ATRX: variants seen among roughly 807,000 people sequenced by gnomAD.
ATRX encodes the protein ATRX chromatin remodeler.
Under a neutral mutation model 172.6 loss-of-function variants are expected in ATRX, and 12 were observed. The ratio of observed to expected loss-of-function variants is 0.07; its 90% CI spans 0.04 to 0.11. The LOEUF is 0.11. Among genes scored for constraint, ATRX ranks in the 10% least tolerant of loss-of-function variants. ATRX has a pLI of 1.00. For synonymous variants in ATRX, 674 were observed against 594.7 expected (o/e 1.13, Z -1.94); for missense variants, 1,368 against 1,767.4 (o/e 0.77, Z 4.05).
rs1395820952 is a variant in ATRX at position 77,766,582 on chromosome X, G to A, written c.20+19400C>T. Reference sequence around the variant, plus strand: ...CAGAGGCGCTCCTCACATCCCAGACGGGGCGGCGGGGCAGAGGCGCTCCCC... The same window carrying A: ...CAGAGGCGCTCCTCACATCCCAGACAGGGCGGCGGGGCAGAGGCGCTCCCC... On this transcript the variant is annotated intron_variant, in intron 1 of 34. Coordinates refer to ENST00000373344, the MANE Select transcript of ATRX (RefSeq NM_000489.6). Among the ~76,000 whole-genome samples the A allele has an allele frequency of 4.6e-5, 5 of 108,003 alleles. No individual in the cohort carries two copies. The East Asian group carries it at 1.2e-3, about 26-fold the overall frequency. 93.8% of individuals were successfully genotyped at this position (108,003 alleles called of 115,157 possible).
intron 34 of ATRX, 49 bp from the exon 35 acceptor site, chrX:77,508,678 A>ACTTGATACCTCTTTT: frequency 8.4e-7 from 1 of 1,188,241 alleles, no homozygotes; most frequent in Non-Finnish European, 1.1e-6. Context: ...CTGTCTCAAA[A>ACTTGATACCTCTTTT]GAGGTATCAA....
At chrX:77,681,423 T>C in intron 9 of ATRX, 97 bp downstream of exon 9, 1 of 876,183 alleles carries the variant, frequency 1.1e-6, no homozygotes, top group Non-Finnish European at 1.7e-6. Flanking sequence ...TCCTAAGTAG[T>C]AACCCTAAAT....
At chrX:77,540,795 T>C (rs1259961804) in intron 30 of ATRX, among the ~76,000 whole-genome samples, 3 of 111,599 alleles carry the variant, frequency 2.7e-5, no homozygotes, top group African/African-American at 9.8e-5. Context: ...CGTATCAAAA[T>C]CTCTGGGACA....
chrX:77,577,376 A>T (rs2065657774), intron 27 of ATRX, among the ~76,000 whole-genome samples: 1 of 111,227 alleles, frequency 9.0e-6, no homozygotes, highest in Non-Finnish European at 1.9e-5. Flanking sequence ...GTGATGCTAG[A>T]CATCTTTTCA....
intron 2 of ATRX, among the ~76,000 whole-genome samples, chrX:77,713,940 G>A (rs1230546957): frequency 9.0e-6 from 1 of 111,480 alleles, no homozygotes; most frequent in Non-Finnish European, 1.9e-5. Context: ...GAGATAATCA[G>A]GAGGAGATGA....
At chrX:77,724,305 T>G (rs1557171255) in intron 1 of ATRX, among the ~76,000 whole-genome samples, 1 of 102,509 alleles carries the variant, frequency 9.8e-6, no homozygotes, top group Non-Finnish European at 2.0e-5. Flanking sequence ...ATAAAGAGAA[T>G]GGACAGAAGT....
At chrX:77,714,138 C>G (rs1381886856) in intron 2 of ATRX, among the ~76,000 whole-genome samples, 4 of 111,079 alleles carry the variant, frequency 3.6e-5, no homozygotes, top group Non-Finnish European at 3.8e-5. Flanking sequence ...AATGAAGACA[C>G]CTGAAAAGAA....
chrX:77,654,908 C>T (rs1464756481), intron 13 of ATRX, among the ~76,000 whole-genome samples: 2 of 111,586 alleles, frequency 1.8e-5, no homozygotes, highest in African/African-American at 6.5e-5. Context: ...TGTCCATCAA[C>T]AAATAAATTG....
intron 27 of ATRX, among the ~76,000 whole-genome samples, chrX:77,577,478 T>C (rs1329731623): frequency 9.0e-6 from 1 of 111,603 alleles, no homozygotes; most frequent in African/African-American, 3.3e-5. Flanking sequence ...GTTGTTGTGT[T>C]GTAGGAATCC....
At chrX:77,646,762 CA>C (rs1427363271) in intron 15 of ATRX, among the ~76,000 whole-genome samples, 6 of 109,188 alleles carry the variant, frequency 5.5e-5, no homozygotes. Flanking sequence ...CTCTGTAAAA[CA>C]GTTTAAAAAA....
chrX:77,698,917 A>C (rs917252382), intron 2 of ATRX: 29 of 357,265 alleles, frequency 8.1e-5, no homozygotes, highest in African/African-American at 6.7e-4. Flanking sequence ...CCAGCAGAAG[A>C]AAATTTAAAC....
intron 31 of ATRX, 171 bp from the exon 32 acceptor site, chrX:77,522,559 G>A (rs2063265470): frequency 1.8e-6 from 1 of 558,274 alleles, no homozygotes; most frequent in Non-Finnish European, 2.9e-6. Flanking sequence ...TTATTACAAG[G>A]AAAGCTTTAA....
intron 26 of ATRX, among the ~76,000 whole-genome samples, chrX:77,593,057 C>G (rs151085790): frequency 9.3e-6 from 1 of 107,705 alleles, no homozygotes; most frequent in Non-Finnish European, 1.9e-5. Flanking sequence ...AACCCTATCT[C>G]TGCTAAAAAT....
At chrX:77,566,376 T>C (rs192299802) in intron 28 of ATRX, among the ~76,000 whole-genome samples, 112 of 111,986 alleles carry the variant, frequency 1.0e-3, no homozygotes, top group South Asian at 5.2e-3. Context: ...AAGGAAAGAA[T>C]TGCCAACCCA....
chrX:77,619,010 A>G (rs1557098524), intron 20 of ATRX, 29 bp from the exon 21 acceptor site: 1 of 1,052,321 alleles, frequency 9.5e-7, no homozygotes, highest in East Asian at 3.0e-5. Context: ...TTCATTAACA[A>G]CATTAACAAT....
At chrX:77,527,703 C>T (rs1412913576) in intron 30 of ATRX, among the ~76,000 whole-genome samples, 2 of 111,703 alleles carry the variant, frequency 1.8e-5, no homozygotes, top group Non-Finnish European at 3.8e-5. Flanking sequence ...GCTCGGCAGG[C>T]CCCATTTCCA....
At chrX:77,641,053 G>A (rs781943337) in intron 15 of ATRX, among the ~76,000 whole-genome samples, 3 of 111,452 alleles carry the variant, frequency 2.7e-5, no homozygotes, top group African/African-American at 9.8e-5. Flanking sequence ...CCAAATCTTA[G>A]CAGTGGGTCA....
At chrX:77,734,759 C>A (rs1365585438) in intron 1 of ATRX, among the ~76,000 whole-genome samples, 1 of 110,375 alleles carries the variant, frequency 9.1e-6, no homozygotes, top group Admixed American at 9.7e-5. Flanking sequence ...CCACTGCACT[C>A]CAGCCTGGGC....
chrX:77,520,024 G>A (rs782285652), intron 34 of ATRX, among the ~76,000 whole-genome samples: 42 of 112,126 alleles, frequency 3.7e-4, no homozygotes, highest in Non-Finnish European at 6.8e-4. Context: ...TAGAATTGGA[G>A]ATCATTATGT....
Sources: allele counts gnomAD v4.1 joint callset (sites outside exome capture counted in the v4.1 genomes callset), GRCh38; gene constraint gnomAD v4.1.1; transcripts MANE v1.5; gene names NCBI Gene and HGNC (gene_info 2026-07-23, HGNC 2026-07-21).